FAM184B: variants seen among roughly 807,000 people sequenced by gnomAD.
The protein encoded by FAM184B is protein FAM184B.
FAM184B carries 111 observed loss-of-function variants against 135.9 expected under a neutral mutation model. That is an observed-to-expected ratio of 0.82 (90% CI 0.70 to 0.96). FAM184B has a LOEUF of 0.96. Among genes scored for constraint, FAM184B ranks in the 40% least tolerant of loss-of-function variants. The probability of loss-of-function intolerance (pLI) is 0.00; values close to 1 mark genes in which losing one functional copy is unlikely to be tolerated. For missense variants in FAM184B, 1,375 were observed against 1,323.9 expected, an observed-to-expected ratio of 1.04 and a Z score of -0.60; for synonymous variants, 552 against 524.8, an observed-to-expected ratio of 1.05 and a Z score of -0.71.
chr4:17,773,739 G>C (rs536783020), intron 1 of FAM184B, among the ~76,000 whole-genome samples: 1 of 151,988 alleles, frequency 6.6e-6, no homozygotes, highest in Non-Finnish European at 1.5e-5. Context: ...CACCACACTT[G>C]GCTAATTTTG....
intron 1 of FAM184B, among the ~76,000 whole-genome samples, chr4:17,749,229 T>C (rs1312612388): frequency 6.6e-6 from 1 of 152,094 alleles, no homozygotes; most frequent in African/African-American, 2.4e-5. Context: ...TCTTAATGTC[T>C]ATGGACTCTA....
intron 7 of FAM184B, among the ~76,000 whole-genome samples, 171 bp from the exon 8 acceptor site, chr4:17,664,830 G>A (rs985708076): frequency 1.3e-5 from 2 of 152,168 alleles, no homozygotes; most frequent in East Asian, 1.9e-4. Context: ...TGATGATGAC[G>A]TGACTAGAAC....
intron 7 of FAM184B, among the ~76,000 whole-genome samples, chr4:17,677,392 T>A (rs1264375481): frequency 1.3e-5 from 2 of 152,144 alleles, no homozygotes; most frequent in Non-Finnish European, 2.9e-5. Flanking sequence ...TCAATTGCTA[T>A]TATGAACACC....
chr4:17,708,607 T>G (rs1287095640), intron 2 of FAM184B, among the ~76,000 whole-genome samples: 1 of 140,680 alleles, frequency 7.1e-6, no homozygotes, highest in Non-Finnish European at 1.5e-5. Flanking sequence ...ATCGCACCAC[T>G]GCACTCCTGC....
At position 17,629,703 on chromosome 4, in the gene FAM184B, T is replaced by C. The variant is rs1200182712; in HGVS notation, c.*2829A>G. Reference sequence around the variant, plus strand: ...TTCTCTTCATCTTCACTGTCACCTCTACGCCATCACTGTCATCTCTAGACC... The same window carrying C: ...TTCTCTTCATCTTCACTGTCACCTCCACGCCATCACTGTCATCTCTAGACC... On this transcript the variant is annotated 3_prime_UTR_variant, in exon 18 of 18. Transcript: ENST00000265018. 4 of 152,248 alleles carry C rather than the reference T, an allele frequency of 2.6e-5. No homozygotes were observed. Among genetic ancestry groups the C allele is most frequent in the Non-Finnish European group, 4.4e-5 (3 of 68,034 alleles). The allele number at this position is 152,248 out of a possible 1,614,324, so 9.4% of individuals were successfully genotyped here. A position where few individuals can be genotyped will look rare whatever the true frequency, so the allele number is the denominator to read the frequency against.
rs186386521 is a variant in FAM184B, at chr4:17,665,753, A to G, written c.1597-1094T>C. On this transcript the variant is annotated intron_variant, in intron 7 of 17. Coordinates refer to ENST00000265018, the MANE Select transcript of FAM184B (RefSeq NM_015688.2). The stretch of plus-strand genomic sequence containing the variant: ...CTGTATTATCTATAAAAGGCCATCA[A>G]TGTCAAGACCAATGAAGACCTCCAC... Among the ~76,000 whole-genome samples, 3 of 152,278 alleles carry G rather than the reference A, an allele frequency of 2.0e-5. No individual in the cohort carries two copies. The East Asian group carries it at 5.8e-4, about 29-fold the overall frequency.
At chr4:17,772,708 A>G (rs1049183222) in intron 1 of FAM184B, among the ~76,000 whole-genome samples, 1 of 152,202 alleles carries the variant, frequency 6.6e-6, no homozygotes, top group Non-Finnish European at 1.5e-5. Flanking sequence ...TTTTGAGACC[A>G]AACTATCACC....
chr4:17,665,866 C>T (rs1716035977), intron 7 of FAM184B, among the ~76,000 whole-genome samples: 1 of 151,834 alleles, frequency 6.6e-6, no homozygotes, highest in Non-Finnish European at 1.5e-5. Context: ...TTCCTTTGTG[C>T]AGCCTTCATT....
rs117460135 is a variant in FAM184B, at chr4:17,682,952, C to T, written c.1596+5472G>A. 1.2e-4 allele frequency among the ~76,000 whole-genome samples: 19 copies of T among 152,214 alleles called. No homozygotes were observed. The East Asian group carries it at 3.7e-3, about 29-fold the overall frequency. ...GTCATTTAATATCCTGTTCTGATGC[C>T]CCTATTGCCACCAGCAGATCTGCCA... On this transcript the variant is annotated intron_variant, in intron 7 of 17. Transcript: ENST00000265018.
intron 1 of FAM184B, among the ~76,000 whole-genome samples, chr4:17,747,177 G>C (rs1329598178): frequency 6.6e-6 from 1 of 152,078 alleles, no homozygotes; most frequent in Non-Finnish European, 1.5e-5. Context: ...CTGCATGGTG[G>C]GGGGCGGTGT....
intron 1 of FAM184B, among the ~76,000 whole-genome samples, chr4:17,746,686 C>A (rs576337770): frequency 6.7e-6 from 1 of 149,474 alleles, no homozygotes; most frequent in Non-Finnish European, 1.5e-5. Context: ...GAGCTGAGAT[C>A]GTGCCACTGC....
chr4:17,643,847 G>A (rs1456966618), intron 12 of FAM184B, among the ~76,000 whole-genome samples: 8 of 152,160 alleles, frequency 5.3e-5, no homozygotes, highest in African/African-American at 9.7e-5. Flanking sequence ...GTGGGGAGGC[G>A]ATGAGGCAGG....
intron 7 of FAM184B, among the ~76,000 whole-genome samples, chr4:17,680,670 G>A (rs968154269): frequency 5.9e-5 from 9 of 152,198 alleles, no homozygotes; most frequent in Non-Finnish European, 1.3e-4. Flanking sequence ...GTGCTAAAGT[G>A]GCCTGGGTAT....
intron 14 of FAM184B, among the ~76,000 whole-genome samples, chr4:17,638,769 G>A (rs1259888703): frequency 6.6e-6 from 1 of 151,040 alleles, no homozygotes; most frequent in Non-Finnish European, 1.5e-5. Flanking sequence ...AATTCCCACT[G>A]CCCTGCAGAA....
At chr4:17,663,322 T>C (rs889337073) in intron 8 of FAM184B, among the ~76,000 whole-genome samples, 1 of 152,244 alleles carries the variant, frequency 6.6e-6, no homozygotes, top group Middle Eastern at 3.4e-3. Context: ...AAAGATGCCC[T>C]CTCTCACTCC....
chr4:17,640,079 G>T (rs572288990), intron 13 of FAM184B, among the ~76,000 whole-genome samples: 1 of 142,394 alleles, frequency 7.0e-6, no homozygotes, highest in Admixed American at 7.4e-5. Context: ...TGATCCATGC[G>T]CTTCAGCCTC....
intron 1 of FAM184B, among the ~76,000 whole-genome samples, chr4:17,767,892 T>C (rs1718735834): frequency 6.6e-6 from 1 of 152,244 alleles, no homozygotes; most frequent in Admixed American, 6.5e-5. Context: ...CAGTGTTTAT[T>C]TGCATGCTTT....
rs1156397653 is a variant in FAM184B, at chr4:17,781,245, T to A, written c.55A>T (p.Lys19Ter). 10 of 1,550,770 alleles carry A rather than the reference T, an allele frequency of 6.4e-6. No homozygotes were observed. Among genetic ancestry groups the A allele is most frequent in the South Asian group, 1.2e-5 (1 of 83,842 alleles). Residue 19 changes from lysine (K) to a stop codon, truncating the protein, a stop_gained, in exon 1 of 18, where the codon AAA (lysine) becomes TAA (stop). Coordinates refer to ENST00000265018, the MANE Select transcript of FAM184B (RefSeq NM_015688.2). LOFTEE classifies it high-confidence loss of function. The surrounding 1 kb of genome is among the most constrained non-coding windows in gnomAD (Gnocchi z 6.5). ...CTCCAGCCGGCGCCACCGTCGGCTT[T>A]GGAGCCCTGGCAAGTGCCGGGCGGG... ...INPPGTCQGS[K>*]ADGGAGWRMD...
intron 1 of FAM184B, among the ~76,000 whole-genome samples, chr4:17,777,477 A>G (rs865961186): frequency 6.6e-6 from 1 of 152,356 alleles, no homozygotes; most frequent in Admixed American, 6.5e-5. Flanking sequence ...TTATACCTCA[A>G]TAAAGCTGTA....
Sources: allele counts gnomAD v4.1 joint callset (sites outside exome capture counted in the v4.1 genomes callset), GRCh38; gene constraint gnomAD v4.1.1; non-coding constraint Gnocchi (gnomAD v3.1); transcripts MANE v1.5; gene names NCBI Gene and HGNC (gene_info 2026-07-23, HGNC 2026-07-21).